Variants in MICAL3 observed in about 807,000 individuals in gnomAD.
MICAL3 encodes microtubule associated monooxygenase, calponin and LIM domain containing 3.
A neutral mutation model predicts 207.4 loss-of-function variants in MICAL3; 62 were observed. The ratio of observed to expected loss-of-function variants is 0.30; its 90% confidence interval spans 0.24 to 0.37. The LOEUF (loss-of-function observed/expected upper bound fraction) is 0.37, where lower values mean the gene tolerates loss of function less well. MICAL3 is among the 10% of genes least tolerant of loss of function. MICAL3 has a pLI of 1.00. For synonymous variants in MICAL3, 1,077 were observed against 1,069.3 expected, an observed-to-expected ratio of 1.01 and a Z score of -0.14; for missense variants, 2,368 against 2,635.6, an observed-to-expected ratio of 0.90 and a Z score of 2.22.
At chr22:17,876,034 C>G (rs1421586035) in intron 16 of MICAL3, among the ~76,000 whole-genome samples, 2 of 152,208 alleles carry the variant, frequency 1.3e-5, no homozygotes, top group East Asian at 3.9e-4. Context: ...GAAGCTCGCT[C>G]CTTCTACAGA....
rs1419299389 is a variant in MICAL3, at chr22:17,808,838, C to G, written c.5650+6G>C. On this transcript the variant is annotated splice_donor_region_variant and intron_variant, in intron 29 of 31. Transcript: ENST00000441493. ...GAGCAGAGCTTAGGAGGGAGCCCGG[C>G]AGTACCTGCTTCGCCCCGGAGCGCC... is the stretch of plus-strand genomic sequence containing the variant. 6.4e-7 allele frequency: 1 copy of G among 1,551,670 alleles called. No individual in the cohort carries two copies. The highest frequency in any genetic ancestry group is 8.7e-7 in the Non-Finnish European group (1 of 1,147,200).
At chr22:17,919,070 T>C (rs1196813749) in intron 1 of MICAL3, among the ~76,000 whole-genome samples, 1 of 145,340 alleles carries the variant, frequency 6.9e-6, no homozygotes, top group Non-Finnish European at 1.5e-5. Context: ...TTTTTGGTTT[T>C]TGTGGGTTTT....
chr22:17,964,641 A>C (rs1227052915), intron 1 of MICAL3, among the ~76,000 whole-genome samples: 1 of 152,222 alleles, frequency 6.6e-6, no homozygotes, highest in Non-Finnish European at 1.5e-5. Flanking sequence ...CCTCTGACAG[A>C]AAGTTTCTGT....
At chr22:17,811,857 G>A (rs569742143) in intron 27 of MICAL3, among the ~76,000 whole-genome samples, 11 of 152,260 alleles carry the variant, frequency 7.2e-5, no homozygotes, top group East Asian at 1.9e-4. Context: ...TGATCCTCCC[G>A]CCTCAGCCTC....
chr22:17,922,599 AT>A (rs745600648), intron 1 of MICAL3, among the ~76,000 whole-genome samples: 11 of 152,140 alleles, frequency 7.2e-5, no homozygotes, highest in Non-Finnish European at 1.3e-4. Context: ...AAGAGTTAGA[AT>A]GGCTGAAGGG....
At chr22:17,888,012 G>GTC (rs1930081329) in intron 13 of MICAL3, among the ~76,000 whole-genome samples, 1 of 152,160 alleles carries the variant, frequency 6.6e-6, no homozygotes, top group Admixed American at 6.5e-5. Flanking sequence ...CTGGAGGGTG[G>GTC]TAACACAAGC....
At chr22:17,973,804 C>T (rs763741153) in intron 1 of MICAL3, among the ~76,000 whole-genome samples, 1 of 152,054 alleles carries the variant, frequency 6.6e-6, no homozygotes, top group Non-Finnish European at 1.5e-5. Context: ...ACTTGTGGTC[C>T]CAGCTACTGG....
chr22:17,836,537 C>T (rs1380757993), intron 20 of MICAL3, among the ~76,000 whole-genome samples: 1 of 152,132 alleles, frequency 6.6e-6, no homozygotes, highest in East Asian at 1.9e-4. Flanking sequence ...AGGTCTTGAT[C>T]AAGCTCCTGC....
chr22:17,921,441 T>C (rs1932797721), intron 1 of MICAL3, among the ~76,000 whole-genome samples: 2 of 152,184 alleles, frequency 1.3e-5, no homozygotes, highest in Admixed American at 6.5e-5. Context: ...CTGGCCTTGG[T>C]CATTTCCCTT....
chr22:17,828,391 G>A (rs1321077163), intron 21 of MICAL3, among the ~76,000 whole-genome samples: 1 of 152,244 alleles, frequency 6.6e-6, no homozygotes, highest in Non-Finnish European at 1.5e-5. Context: ...TCTGCAGCTG[G>A]AGCTGCTGCT....
intron 21 of MICAL3, among the ~76,000 whole-genome samples, chr22:17,828,308 G>A (rs1346992877): frequency 6.6e-6 from 1 of 152,220 alleles, no homozygotes; most frequent in Non-Finnish European, 1.5e-5. Flanking sequence ...GGAAGAGATT[G>A]TGTCATTCTG....
chr22:17,838,554 A>G (rs1923650653), intron 20 of MICAL3, among the ~76,000 whole-genome samples: 1 of 152,224 alleles, frequency 6.6e-6, no homozygotes, highest in Non-Finnish European at 1.5e-5. Flanking sequence ...TATGAAGTGC[A>G]GCACCTTTGC....
intron 1 of MICAL3, among the ~76,000 whole-genome samples, chr22:17,948,183 G>A (rs1385403313): frequency 6.6e-6 from 1 of 152,210 alleles, no homozygotes; most frequent in Non-Finnish European, 1.5e-5. Context: ...CACTCCCACT[G>A]CCTGCCCTGC....
intron 1 of MICAL3, among the ~76,000 whole-genome samples, chr22:18,016,904 C>T (rs111507805): frequency 1.1e-4 from 16 of 151,392 alleles, no homozygotes; most frequent in African/African-American, 3.4e-4. Flanking sequence ...TGCTTCACTG[C>T]ACTCCGGCCT....
intron 29 of MICAL3, among the ~76,000 whole-genome samples, chr22:17,806,607 C>T (rs1361799586): frequency 6.6e-6 from 1 of 152,212 alleles, no homozygotes; most frequent in Non-Finnish European, 1.5e-5. Flanking sequence ...AACTACAGTT[C>T]TTGTGTGTAC....
chr22:17,889,589 G>A (rs1569117959), intron 12 of MICAL3, among the ~76,000 whole-genome samples: 1 of 152,192 alleles, frequency 6.6e-6, no homozygotes. Context: ...CACTTTGGAA[G>A]GGTGAGGCAG....
At chr22:17,821,282 C>A (rs916016349) in intron 25 of MICAL3, 145 bp downstream of exon 25, 17 of 646,500 alleles carry the variant, frequency 2.6e-5, no homozygotes, top group African/African-American at 5.9e-5. Context: ...AGTTTTCAGT[C>A]TTCCTCAGAA....
chr22:17,965,915 G>A lies in MICAL3; in HGVS notation c.-75+58366C>T, dbSNP rs138709054. Among the ~76,000 whole-genome samples, 34 of 152,236 alleles carry A rather than the reference G, an allele frequency of 2.2e-4. 1 individual carries two copies. Among genetic ancestry groups the A allele is most frequent in the Middle Eastern group, 6.8e-3 (2 of 294 alleles). The stretch of plus-strand genomic sequence containing the variant: ...TATGCCTTTTCACTACACTGCACTC[G>A]AGGGTGGTCTGACCAACCACCACGG... On this transcript the variant is annotated intron_variant, in intron 1 of 31. Coordinates refer to ENST00000441493, the MANE Select transcript of MICAL3 (RefSeq NM_015241.3).
intron 1 of MICAL3, among the ~76,000 whole-genome samples, chr22:17,967,655 C>T (rs766200073): frequency 6.6e-6 from 1 of 152,188 alleles, no homozygotes. Context: ...CGCCTGTAAT[C>T]CCAGCACTTT....
Sources: allele counts gnomAD v4.1 joint callset (sites outside exome capture counted in the v4.1 genomes callset), GRCh38; gene constraint gnomAD v4.1.1; transcripts MANE v1.5; gene names NCBI Gene and HGNC (gene_info 2026-07-23, HGNC 2026-07-21).